Variants in DLG2 observed in about 807,000 individuals in gnomAD.
DLG2 encodes discs large MAGUK scaffold protein 2.
In DLG2, 45 loss-of-function variants were observed where a neutral mutation model predicts 132.5. The ratio of observed to expected loss-of-function variants is 0.34; its 90% confidence interval spans 0.27 to 0.44. DLG2 has a LOEUF of 0.44. Among genes scored for constraint, DLG2 ranks in the 20% least tolerant of loss-of-function variants. The pLI, the probability that DLG2 is intolerant of heterozygous loss-of-function variation, is 1.00. For missense variants in DLG2, 1,045 were observed against 1,196.9 expected, an observed-to-expected ratio of 0.87 and a Z score of 1.87; for synonymous variants, 424 against 419.6, an observed-to-expected ratio of 1.01 and a Z score of -0.13.
In DLG2 at chr11:85,117,877, T is replaced by C. The variant is rs77846580; in HGVS notation, c.283-6142A>G. 9.8e-3 allele frequency among the ~76,000 whole-genome samples: 1,494 copies of C among 152,192 alleles called. 23 individuals carry two copies. Among genetic ancestry groups the C allele is most frequent in the African/African-American group, 0.033 (1,357 of 41,550 alleles). ...TTTTCATTTCCTGTAAATGGAAAGT[T>C]ATGAGAATACCCGTTTTCATTTAGA... is the stretch of plus-strand genomic sequence containing the variant. On this transcript the variant is annotated intron_variant, in intron 5 of 27. Coordinates refer to ENST00000376104, the MANE Select transcript of DLG2 (RefSeq NM_001142699.3).
At chr11:85,028,755 T>C (rs59019401) in intron 6 of DLG2, among the ~76,000 whole-genome samples, 2,092 of 152,210 alleles carry the variant, frequency 0.014, 48 homozygotes, top group African/African-American at 0.047. Context: ...AGAGGGACAC[T>C]TCCCAGCCCC....
chr11:84,636,185 T>C (rs1021853242), intron 6 of DLG2, among the ~76,000 whole-genome samples: 20 of 152,322 alleles, frequency 1.3e-4, no homozygotes, highest in Middle Eastern at 3.4e-3. Flanking sequence ...CACAGAAGTA[T>C]GTATATGCAC....
intron 10 of DLG2, among the ~76,000 whole-genome samples, chr11:84,084,269 T>C (rs1286189106): frequency 1.3e-5 from 2 of 152,236 alleles, no homozygotes; most frequent in Non-Finnish European, 1.5e-5. Flanking sequence ...CTGCTGTCGC[T>C]GTGCTGGAAT....
At chr11:85,047,911 A>G (rs910040414) in intron 6 of DLG2, among the ~76,000 whole-genome samples, 8 of 151,884 alleles carry the variant, frequency 5.3e-5, no homozygotes, top group African/African-American at 1.9e-4. Context: ...TAAAAATACA[A>G]TTCTCACTAA....
intron 6 of DLG2, among the ~76,000 whole-genome samples, chr11:85,086,569 T>C (rs1209949751): frequency 2.0e-5 from 3 of 152,240 alleles, no homozygotes; most frequent in East Asian, 3.9e-4. Flanking sequence ...CATGAAGACC[T>C]AGTAGCTCCC....
chr11:84,254,078 G>T (rs2097427609), intron 7 of DLG2, among the ~76,000 whole-genome samples: 1 of 151,988 alleles, frequency 6.6e-6, no homozygotes, highest in South Asian at 2.1e-4. Context: ...CTTTCTGTTT[G>T]GTTTCCATGA....
At chr11:83,614,405 C>A (rs936188052) in intron 19 of DLG2, among the ~76,000 whole-genome samples, 2 of 152,158 alleles carry the variant, frequency 1.3e-5, no homozygotes, top group Non-Finnish European at 2.9e-5. Flanking sequence ...TGGGCAACTG[C>A]AGCGTGCTTT....
intron 7 of DLG2, among the ~76,000 whole-genome samples, chr11:84,517,994 G>T (rs1286127948): frequency 6.6e-6 from 1 of 150,808 alleles, no homozygotes; most frequent in African/African-American, 2.4e-5. Flanking sequence ...CCAGGAGTTG[G>T]GGTGGTTGGT....
At chr11:83,730,146 G>GTTTTTTTTTT (rs541441004) in intron 18 of DLG2, among the ~76,000 whole-genome samples, 1 of 111,004 alleles carries the variant, frequency 9.0e-6, no homozygotes, top group East Asian at 2.6e-4. Flanking sequence ...TTTTTTTATG[G>GTTTTTTTTTT]TTTTTTTTTT....
chr11:84,322,741 C>A (rs906700058), intron 7 of DLG2, among the ~76,000 whole-genome samples: 1 of 151,986 alleles, frequency 6.6e-6, no homozygotes, highest in Non-Finnish European at 1.5e-5. Context: ...AGGCATGCAC[C>A]ACTACACCCA....
intron 6 of DLG2, among the ~76,000 whole-genome samples, chr11:84,542,128 T>TGAGAGAGAGA (rs59128357): frequency 2.6e-4 from 38 of 147,034 alleles, no homozygotes; most frequent in African/African-American, 6.8e-4. Context: ...ACAGTACTGA[T>TGAGAGAGAGA]GAGAGAGAGA....
intron 19 of DLG2, among the ~76,000 whole-genome samples, chr11:83,583,948 A>C (rs1417113679): frequency 1.3e-5 from 2 of 152,198 alleles, no homozygotes; most frequent in East Asian, 1.9e-4. Flanking sequence ...GTCAGGCTCC[A>C]TTGAATCATG....
intron 4 of DLG2, among the ~76,000 whole-genome samples, chr11:85,271,591 C>A (rs1209670539): frequency 6.6e-6 from 1 of 152,234 alleles, no homozygotes; most frequent in Non-Finnish European, 1.5e-5. Flanking sequence ...GGGAGGCTAC[C>A]TTGCATAGCC....
rs769850921 is a variant in DLG2 at position 83,459,943 on chromosome 11, C to T, written c.2822-19G>A. 7.4e-7 allele frequency: 1 copy of T among 1,350,858 alleles called. No homozygotes were observed. Among genetic ancestry groups the T allele is most frequent in the East Asian group, 2.3e-5 (1 of 43,550 alleles). 83.7% of individuals were successfully genotyped at this position (1,350,858 alleles called of 1,614,324 possible). Reference sequence around the variant, plus strand: ...ACAATAGCTGTAACAAAAGCAAACACACCCAGAATTAGAAATAATTTCCTG... The same window carrying T: ...ACAATAGCTGTAACAAAAGCAAACATACCCAGAATTAGAAATAATTTCCTG... On this transcript the variant is annotated intron_variant, in intron 27 of 27. Transcript: ENST00000376104.
chr11:85,324,864 G>C (rs531791831), intron 3 of DLG2, among the ~76,000 whole-genome samples: 187 of 150,780 alleles, frequency 1.2e-3, no homozygotes, highest in Middle Eastern at 6.8e-3. Flanking sequence ...GAGGTACCGG[G>C]TTCATCTCAC....
At chr11:84,755,401 C>A (rs895430895) in intron 6 of DLG2, among the ~76,000 whole-genome samples, 3 of 146,896 alleles carry the variant, frequency 2.0e-5, no homozygotes, top group Non-Finnish European at 3.0e-5. Context: ...ATCTCATAGT[C>A]AAGGAAATTT....
intron 7 of DLG2, among the ~76,000 whole-genome samples, chr11:84,364,487 C>T (rs560140587): frequency 2.0e-4 from 31 of 152,144 alleles, no homozygotes; most frequent in East Asian, 7.7e-4. Context: ...CTTTTCCTAA[C>T]TGAATACCCT....
chr11:85,461,941 C>A (rs2092628436), intron 3 of DLG2, among the ~76,000 whole-genome samples: 1 of 152,092 alleles, frequency 6.6e-6, no homozygotes, highest in Non-Finnish European at 1.5e-5. Flanking sequence ...ACAATGAACT[C>A]AAACAAATTT....
chr11:84,639,867 T>C (rs975611188), intron 6 of DLG2: 2 of 171,972 alleles, frequency 1.2e-5, no homozygotes, highest in Non-Finnish European at 2.4e-5. Context: ...GGCTTCCTCA[T>C]CCCTCCAGAC....
Sources: gnomAD v4.1 joint callset for allele counts (sites outside exome capture counted in the v4.1 genomes callset) on GRCh38, gnomAD v4.1.1 for gene constraint, MANE v1.5 for transcripts, NCBI Gene and HGNC (gene_info 2026-07-23, HGNC 2026-07-21) for gene names.